SLC16A7: variants seen among roughly 807,000 people sequenced by gnomAD.
SLC16A7 encodes the protein solute carrier family 16 member 7.
In SLC16A7, 33 loss-of-function variants were observed where a neutral mutation model predicts 34.9. The observed-to-expected ratio is 0.94, with a 90% confidence interval of 0.72 to 1.26. The LOEUF (loss-of-function observed/expected upper bound fraction) is 1.26, where lower values mean the gene tolerates loss of function less well. Ranked by LOEUF, SLC16A7 falls within the 50% of genes most tolerant of loss-of-function variation. SLC16A7 has a pLI of 0.00. For synonymous variants in SLC16A7, 201 were observed against 206.6 expected, an observed-to-expected ratio of 0.97 and a Z score of 0.23; for missense variants, 573 against 578.1, an observed-to-expected ratio of 0.99 and a Z score of 0.09.
chr12:59,750,561 CAG>C (rs1565693851), intron 3 of SLC16A7, among the ~76,000 whole-genome samples: 1 of 152,126 alleles, frequency 6.6e-6, no homozygotes, highest in African/African-American at 2.4e-5. Flanking sequence ...CAGGAAACAA[CAG>C]ATGCTGGAGA....
intron 2 of SLC16A7, chr12:59,664,861 G>C (rs1869063693): frequency 6.6e-6 from 1 of 152,164 alleles, no homozygotes; most frequent in African/African-American, 2.4e-5. Flanking sequence ...TTTGCTTGTG[G>C]CTAAAAGTTA....
intron 2 of SLC16A7, among the ~76,000 whole-genome samples, chr12:59,700,468 A>C (rs1025884428): frequency 6.7e-6 from 1 of 149,262 alleles, no homozygotes; most frequent in Non-Finnish European, 1.5e-5. Flanking sequence ...AATTTAATAT[A>C]TATTTGAAAT....
chr12:59,755,639 C>G (rs963525872), intron 3 of SLC16A7, among the ~76,000 whole-genome samples: 15 of 152,166 alleles, frequency 9.9e-5, no homozygotes, highest in Non-Finnish European at 1.6e-4. Context: ...ATTCCATGCT[C>G]ATGGGTAGGA....
intron 2 of SLC16A7, among the ~76,000 whole-genome samples, chr12:59,697,578 A>G (rs1872454897): frequency 6.6e-6 from 1 of 151,900 alleles, no homozygotes. Context: ...TGTAGTCAAG[A>G]TATATTTAGC....
At chr12:59,771,992 T>TA (rs1280644875) in intron 4 of SLC16A7, among the ~76,000 whole-genome samples, 1 of 152,164 alleles carries the variant, frequency 6.6e-6, no homozygotes, top group Admixed American at 6.5e-5. Flanking sequence ...CTCATGCACA[T>TA]ATCTATTGAC....
chr12:59,728,514 A>C (rs1296742194), intron 3 of SLC16A7, among the ~76,000 whole-genome samples: 2 of 152,220 alleles, frequency 1.3e-5, no homozygotes, highest in African/African-American at 4.8e-5. Flanking sequence ...TTCAAGTACA[A>C]GAACCTATCG....
At position 59,779,926 on chromosome 12, in the gene SLC16A7, G is replaced by A. The variant is rs902814355; in HGVS notation, c.*247G>A. The A allele has an allele frequency of 4.1e-5, 14 of 343,364 alleles. No homozygotes were observed. The highest frequency in any genetic ancestry group is 3.0e-4 in the African/African-American group (14 of 46,136). 21.3% of individuals were successfully genotyped at this position (343,364 alleles called of 1,614,324 possible). A position where few individuals can be genotyped will look rare whatever the true frequency, so the allele number is the denominator to read the frequency against. On this transcript the variant is annotated 3_prime_UTR_variant, in exon 6 of 6. Coordinates refer to ENST00000547379, the MANE Select transcript of SLC16A7 (RefSeq NM_001270623.2). ...TAGGTTTATTTCCATACCTGACTCT[G>A]GGTGTGGTGGTTAAAATACTAATTT...
intron 3 of SLC16A7, chr12:59,720,098 G>C: frequency 1.4e-6 from 1 of 700,098 alleles, no homozygotes; most frequent in Non-Finnish European, 2.6e-6. Flanking sequence ...ATATGCAATA[G>C]CTGTATATTC....
intron 2 of SLC16A7, among the ~76,000 whole-genome samples, chr12:59,688,790 G>C (rs913749655): frequency 7.2e-5 from 11 of 151,966 alleles, no homozygotes; most frequent in Non-Finnish European, 1.3e-4. Flanking sequence ...ACAGCTTCCA[G>C]TTTCATTGTG....
chr12:59,679,213 C>T (rs115788050), intron 2 of SLC16A7, among the ~76,000 whole-genome samples: 3 of 152,132 alleles, frequency 2.0e-5, no homozygotes, highest in Non-Finnish European at 4.4e-5. Context: ...CAGGGATGGC[C>T]GGGTCCCCAG....
intron 2 of SLC16A7, among the ~76,000 whole-genome samples, chr12:59,671,746 A>T (rs893098195): frequency 1.4e-5 from 2 of 144,682 alleles, no homozygotes; most frequent in African/African-American, 5.1e-5. Context: ...GTATATATGT[A>T]TATATAATGT....
intron 1 of SLC16A7, among the ~76,000 whole-genome samples, chr12:59,653,901 G>T (rs77047226): frequency 6.6e-6 from 1 of 151,542 alleles, no homozygotes; most frequent in East Asian, 1.9e-4. Context: ...CCTTTGCACT[G>T]CACTGTACTA....
chr12:59,693,282 A>G (rs1871890723), intron 2 of SLC16A7, among the ~76,000 whole-genome samples: 1 of 151,950 alleles, frequency 6.6e-6, no homozygotes, highest in South Asian at 2.1e-4. Flanking sequence ...GAATATTGGT[A>G]AGACTTCATA....
chr12:59,767,853 A>G (rs1015305863), intron 3 of SLC16A7, among the ~76,000 whole-genome samples: 3 of 151,298 alleles, frequency 2.0e-5, no homozygotes, highest in African/African-American at 7.3e-5. Flanking sequence ...ACAAAAAACC[A>G]ATCACCGCAT....
At chr12:59,753,666 A>G (rs956574791) in intron 3 of SLC16A7, among the ~76,000 whole-genome samples, 26 of 152,170 alleles carry the variant, frequency 1.7e-4, no homozygotes, top group African/African-American at 6.0e-4. Context: ...GGGAGACTTT[A>G]ACACCCCACT....
In SLC16A7 at chr12:59,782,253, C is replaced by G. The variant is rs918908476; in HGVS notation, c.*2574C>G. 6.6e-6 allele frequency: 1 copy of G among 152,168 alleles called. No individual in the cohort carries two copies. The highest frequency in any genetic ancestry group is 2.4e-5 in the African/African-American group (1 of 41,444). 9.4% of individuals were successfully genotyped at this position (152,168 alleles called of 1,614,324 possible). A position where few individuals can be genotyped will look rare whatever the true frequency, so the allele number is the denominator to read the frequency against. ...ATTGAAACAGTGACATAAATACCTA[C>G]AGGATTCAGAATTGTTCCAGGGTAA... is the stretch of plus-strand genomic sequence containing the variant. On this transcript the variant is annotated 3_prime_UTR_variant, in exon 6 of 6. Coordinates refer to ENST00000547379, the MANE Select transcript of SLC16A7 (RefSeq NM_001270623.2).
rs1158973830 is a variant in SLC16A7, at chr12:59,748,936, G to A, written c.218-22283G>A. Among the ~76,000 whole-genome samples, 29 of 152,156 alleles carry A rather than the reference G, an allele frequency of 1.9e-4. 1 individual carries two copies. Among genetic ancestry groups the A allele is most frequent in the Admixed American group, 1.9e-3 (29 of 15,278 alleles). The stretch of plus-strand genomic sequence containing the variant: ...GCAAACTGTGGTTTGATAATTTTAA[G>A]TAGAGATTTGGCTTTAAAAAATGTC... On this transcript the variant is annotated intron_variant, in intron 3 of 5. Coordinates refer to ENST00000547379, the MANE Select transcript of SLC16A7 (RefSeq NM_001270623.2).
intron 3 of SLC16A7, among the ~76,000 whole-genome samples, chr12:59,745,400 A>G (rs1878786008): frequency 6.6e-6 from 1 of 152,196 alleles, no homozygotes; most frequent in South Asian, 2.1e-4. Flanking sequence ...ATCCACTACA[A>G]TGATGATAAT....
rs1882605939 is a variant in SLC16A7 at position 59,775,037 on chromosome 12, C to T, written c.742C>T (p.Leu248=). The change falls in exon 5 of 6, where the codon CTG becomes TTG. Residue 248 remains leucine, a synonymous_variant. Coordinates refer to ENST00000547379, the MANE Select transcript of SLC16A7 (RefSeq NM_001270623.2). ...CTCCCTTTTTAAGCATAGAGGATTT[C>T]TGATATATCTGTCTGGAAATGTCAT... is the stretch of plus-strand genomic sequence containing the variant. ...DFSLFKHRGF[L]IYLSGNVIMF... The T allele has an allele frequency of 6.2e-7, 1 of 1,614,054 alleles. No individual in the cohort carries two copies. Among genetic ancestry groups the T allele is most frequent in the Non-Finnish European group, 8.5e-7 (1 of 1,179,986 alleles).
Sources: allele counts gnomAD v4.1 joint callset (sites outside exome capture counted in the v4.1 genomes callset), GRCh38; gene constraint gnomAD v4.1.1; transcripts MANE v1.5; gene names NCBI Gene and HGNC (gene_info 2026-07-23, HGNC 2026-07-21).